ABCG8: variants seen among roughly 807,000 people sequenced by gnomAD.
The protein encoded by ABCG8 is ATP binding cassette subfamily G member 8.
In ABCG8, 81 loss-of-function variants were observed where a neutral mutation model predicts 71.3. The ratio of observed to expected loss-of-function variants is 1.14; its 90% CI spans 0.95 to 1.37. The LOEUF is 1.37. Ranked by LOEUF, ABCG8 falls within the 40% of genes most tolerant of loss-of-function variation. The probability of loss-of-function intolerance (pLI) is 0.00; values close to 1 mark genes in which losing one functional copy is unlikely to be tolerated. For missense variants in ABCG8, 1,119 were observed against 866.2 expected (o/e 1.29, Z -3.66); for synonymous variants, 451 against 354.7 (o/e 1.27, Z -3.05).
intron 5 of ABCG8, 40 bp from the exon 6 acceptor site, chr2:43,852,559 A>G (rs1006153585): frequency 6.2e-7 from 1 of 1,613,838 alleles, no homozygotes; most frequent in African/African-American, 1.3e-5. Flanking sequence ...GTCTGGCCAG[A>G]GCCCCACCGA....
At chr2:43,839,223 A>G in intron 1 of ABCG8, 107 bp downstream of exon 1, 1 of 1,234,716 alleles carries the variant, frequency 8.1e-7, no homozygotes, top group South Asian at 1.3e-5. Flanking sequence ...CCCGGACATC[A>G]AGCAGTGTGA....
chr2:43,841,554 T>C (rs2104907078), intron 1 of ABCG8, among the ~76,000 whole-genome samples: 1 of 152,308 alleles, frequency 6.6e-6, no homozygotes, highest in Admixed American at 6.5e-5. Flanking sequence ...GCACGAATTT[T>C]CTTCCTCCGA....
At chr2:43,869,948 G>T in intron 6 of ABCG8, among the ~76,000 whole-genome samples, 1 of 146,756 alleles carries the variant, frequency 6.8e-6, no homozygotes, top group East Asian at 2.1e-4. Context: ...TCTCACTGTC[G>T]ATCACGTTGG....
chr2:43,863,331 TTCTCACTATCTGGATAGAAC>T, intron 6 of ABCG8, among the ~76,000 whole-genome samples: 1 of 151,482 alleles, frequency 6.6e-6, no homozygotes, highest in African/African-American at 2.4e-5. Flanking sequence ...CTGGATAGAA[TTCTCACTATCTGGATAGAAC>T]TCTCACTATC....
intron 3 of ABCG8, among the ~76,000 whole-genome samples, chr2:43,851,368 C>T (rs1668907744): frequency 6.6e-6 from 1 of 152,254 alleles, no homozygotes; most frequent in Non-Finnish European, 1.5e-5. Flanking sequence ...TGCAGCCCCA[C>T]AGGGGTGCTC....
intron 6 of ABCG8, among the ~76,000 whole-genome samples, chr2:43,870,523 C>T (rs1669726647): frequency 6.6e-6 from 1 of 152,060 alleles, no homozygotes; most frequent in African/African-American, 2.4e-5. Flanking sequence ...ATAGAATTCT[C>T]ACCCTTTGGA....
At chr2:43,841,763 C>G (rs1208753772) in intron 1 of ABCG8, among the ~76,000 whole-genome samples, 1 of 152,192 alleles carries the variant, frequency 6.6e-6, no homozygotes, top group African/African-American at 2.4e-5. Flanking sequence ...CTCCCCTTCT[C>G]AAAGCACCAC....
chr2:43,845,080 A>ATGTGTG (rs71393208), intron 2 of ABCG8, among the ~76,000 whole-genome samples: 50 of 139,104 alleles, frequency 3.6e-4, no homozygotes, highest in Admixed American at 1.2e-3. Context: ...TTATATATAT[A>ATGTGTG]TGTGTGTGTG....
chr2:43,857,018 G>A (rs1669134949), intron 6 of ABCG8, among the ~76,000 whole-genome samples: 1 of 151,604 alleles, frequency 6.6e-6, no homozygotes, highest in South Asian at 2.1e-4. Flanking sequence ...TACCTGGATA[G>A]AAGTCTCACT....
intron 3 of ABCG8, 76 bp from the exon 4 acceptor site, chr2:43,851,508 T>G: frequency 6.6e-7 from 1 of 1,512,158 alleles, no homozygotes; most frequent in Non-Finnish European, 9.2e-7. Flanking sequence ...TCCTGGAGAG[T>G]GTATGGGGAG....
In ABCG8 at chr2:43,851,814, G is replaced by C; in HGVS notation, c.553G>C (p.Asp185His). The C allele has an allele frequency of 6.2e-7, 1 of 1,614,144 alleles. No homozygotes were observed. The highest frequency in any genetic ancestry group is 1.1e-5 in the South Asian group (1 of 91,082). The change falls in exon 4 of 13, where the codon GAC (aspartate) becomes CAC (histidine). Residue 185 changes from aspartate to histidine, a missense_variant. Asp to His is a moderately conservative substitution (Grantham distance 81). Transcript: ENST00000272286. ...LPRTFSQAQR[D>H]KRVEDVIAEL... ...CAGAACCTTCTCCCAGGCCCAGCGTGACAAAAGGGTAACTAACTGGCCCCA... is the reference window on the plus strand; with the variant it reads ...CAGAACCTTCTCCCAGGCCCAGCGTCACAAAAGGGTAACTAACTGGCCCCA...
In ABCG8 at chr2:43,855,424, A is replaced by G. The variant is rs540189143; in HGVS notation, c.964+2556A>G. On this transcript the variant is annotated intron_variant, in intron 6 of 12. Coordinates refer to ENST00000272286, the MANE Select transcript of ABCG8 (RefSeq NM_022437.3). The stretch of plus-strand genomic sequence containing the variant: ...TCTGGGGACAGAACTCTCACTATCT[A>G]TCTGGATGGAATTCTCTCCCTCTGC... 6.6e-5 allele frequency among the ~76,000 whole-genome samples: 10 copies of G among 151,638 alleles called. No homozygotes were observed. The South Asian group carries it at 1.5e-3, about 22-fold the overall frequency.
chr2:43,852,681 C>G lies in ABCG8; in HGVS notation c.777C>G (p.Ala259=), dbSNP rs746127532. The G allele has an allele frequency of 6.2e-7, 1 of 1,614,216 alleles. No homozygotes were observed. Among genetic ancestry groups the G allele is most frequent in the Non-Finnish European group, 8.5e-7 (1 of 1,180,034 alleles). ...TGGTGAAGACCTTGTCCAGGCTGGC[C>G]AAAGGCAACCGGCTGGTGCTCATCT... ...HNLVKTLSRL[A]KGNRLVLISL... Residue 259 remains alanine, a synonymous_variant, in exon 6 of 13, where the codon GCC becomes GCG. Coordinates refer to ENST00000272286, the MANE Select transcript of ABCG8 (RefSeq NM_022437.3).
chr2:43,839,374 A>ATTTCACTT (rs1174924091), intron 1 of ABCG8, among the ~76,000 whole-genome samples: 4 of 123,064 alleles, frequency 3.3e-5, no homozygotes, highest in African/African-American at 1.2e-4. Flanking sequence ...ATGTGGGACA[A>ATTTCACTT]TTTCACTTTT....
At chr2:43,851,906 A>C (rs1356097029) in intron 4 of ABCG8, 84 bp downstream of exon 4, 8 of 1,478,412 alleles carry the variant, frequency 5.4e-6, no homozygotes, top group Admixed American at 5.0e-5. Flanking sequence ...GCCTTGCCTC[A>C]GGACCCAGCC....
chr2:43,854,563 G>T (rs995335602), intron 6 of ABCG8, among the ~76,000 whole-genome samples: 1 of 146,460 alleles, frequency 6.8e-6, no homozygotes, highest in East Asian at 2.1e-4. Context: ...AGAGGCGGAG[G>T]TTGCAGTGAG....
intron 6 of ABCG8, among the ~76,000 whole-genome samples, chr2:43,866,515 C>T (rs886746877): frequency 1.3e-5 from 2 of 151,824 alleles, no homozygotes; most frequent in East Asian, 3.8e-4. Flanking sequence ...AACAAACAAC[C>T]CCATCAAAAA....
chr2:43,875,250 C>A lies in ABCG8; in HGVS notation c.1593C>A (p.His531Gln), dbSNP rs1032535707. The A allele has an allele frequency of 6.2e-7, 1 of 1,614,138 alleles. No individual in the cohort carries two copies. The highest frequency in any genetic ancestry group is 8.5e-7 in the Non-Finnish European group (1 of 1,180,056). Residue 531 changes from histidine to glutamine, a missense_variant, in exon 11 of 13, where the codon CAC (histidine) becomes CAA (glutamine). His to Gln is a conservative substitution (Grantham distance 24). Transcript: ENST00000272286. Reference protein sequence around the residue: ...LRPGLQPFLLHFLLVWLVVFC... With the variant: ...LRPGLQPFLLQFLLVWLVVFC... The stretch of plus-strand genomic sequence containing the variant: ...CAGGCCTCCAGCCCTTCCTGCTGCA[C>A]TTCCTGCTGGTGTGGCTGGTGGTCT...
rs1302866411 is a variant in ABCG8 at position 43,864,512 on chromosome 2, A to T, written c.965-7464A>T. 2.0e-5 allele frequency among the ~76,000 whole-genome samples: 3 copies of T among 151,738 alleles called. No individual in the cohort carries two copies. The East Asian group carries it at 5.8e-4, about 29-fold the overall frequency. Reference sequence around the variant, plus strand: ...GATAGAATTCTCACCCTCTGGATAGATCTCTCACCATCTGTCTGGGTAGAA... The same window carrying T: ...GATAGAATTCTCACCCTCTGGATAGTTCTCTCACCATCTGTCTGGGTAGAA... On this transcript the variant is annotated intron_variant, in intron 6 of 12. Coordinates refer to ENST00000272286, the MANE Select transcript of ABCG8 (RefSeq NM_022437.3).
Sources: gnomAD v4.1 joint callset for allele counts (sites outside exome capture counted in the v4.1 genomes callset) on GRCh38, gnomAD v4.1.1 for gene constraint, MANE v1.5 for transcripts, NCBI Gene and HGNC (gene_info 2026-07-23, HGNC 2026-07-21) for gene names.